Variants in MTUS1 observed in about 807,000 individuals in gnomAD.
MTUS1 encodes the protein microtubule-associated tumor suppressor 1.
Under a neutral mutation model 120.8 loss-of-function variants are expected in MTUS1, and 109 were observed. The ratio of observed to expected loss-of-function variants is 0.90; its 90% confidence interval spans 0.77 to 1.06. The LOEUF (loss-of-function observed/expected upper bound fraction) is 1.06, where lower values mean the gene tolerates loss of function less well. Among genes scored for constraint, MTUS1 ranks in the 50% least tolerant of loss-of-function variants. MTUS1 has a pLI of 0.00. For missense variants in MTUS1, 2,210 were observed against 1,486.3 expected, an observed-to-expected ratio of 1.49 and a Z score of -8.01; for synonymous variants, 737 against 550.5, an observed-to-expected ratio of 1.34 and a Z score of -4.74.
intron 6 of MTUS1, among the ~76,000 whole-genome samples, chr8:17,710,286 G>C (rs1484053925): frequency 1.3e-5 from 2 of 152,144 alleles, no homozygotes; most frequent in Non-Finnish European, 2.9e-5. Context: ...CCACAGCAGA[G>C]AGTCTTTCAA....
intron 6 of MTUS1, among the ~76,000 whole-genome samples, chr8:17,694,308 A>G (rs1352182853): frequency 6.6e-6 from 1 of 152,200 alleles, no homozygotes; most frequent in Non-Finnish European, 1.5e-5. Flanking sequence ...CAAGATTTCA[A>G]ATGATGGAGT....
rs766109786 is a variant in MTUS1, at chr8:17,715,832, C to G, written c.2519G>C (p.Gly840Ala). ...TACCAAAGGCTTCAAATAAAAGGAT[C>G]CTGAGGAACCATTCTGAAATGCTGG... ...PKPAFQNGSS[G>A]SFYLKPLVSR... The change falls in exon 5 of 15, where the codon GGA becomes GCA. Residue 840 changes from glycine to alanine, a missense_variant. Coordinates refer to ENST00000693296, the MANE Select transcript of MTUS1 (RefSeq NM_001363059.2). 5 of 1,613,982 alleles carry G rather than the reference C, an allele frequency of 3.1e-6. No homozygotes were observed. The East Asian group carries it at 1.1e-4, about 36-fold the overall frequency.
At chr8:17,683,091 T>C (rs1007321045) in intron 7 of MTUS1, among the ~76,000 whole-genome samples, 10 of 152,054 alleles carry the variant, frequency 6.6e-5, no homozygotes, top group African/African-American at 2.4e-4. Context: ...CCTAACACAG[T>C]GAAACCCCGT....
chr8:17,714,707 AG>A, intron 5 of MTUS1, among the ~76,000 whole-genome samples: 1 of 152,262 alleles, frequency 6.6e-6, no homozygotes, highest in South Asian at 2.1e-4. Context: ...ATATACATAC[AG>A]AGGAAAAAAG....
Position 17,723,762 on chromosome 8 carries a change from C to A in MTUS1, c.2359G>T (p.Ala787Ser), listed in dbSNP as rs764964957. The change falls in exon 4 of 15, where the codon GCA (alanine) becomes TCA (serine). Residue 787 changes from alanine (A) to serine (S), a missense_variant. Ala to Ser is a moderately conservative substitution (Grantham distance 99, BLOSUM62 1). Coordinates refer to ENST00000693296, the MANE Select transcript of MTUS1 (RefSeq NM_001363059.2). Reference protein sequence around the residue: ...NLPRPLPKSKASLKSPALRRT... With the variant: ...NLPRPLPKSKSSLKSPALRRT... ...CGCAGCGCAGGACTTTTCAAAGATG[C>A]TTTGGATTTAGGAAGTGGTCTAGGC... The A allele has an allele frequency of 4.3e-6, 7 of 1,610,376 alleles. No individual in the cohort carries two copies. Among genetic ancestry groups the A allele is most frequent in the Non-Finnish European group, 5.9e-6 (7 of 1,177,660 alleles).
chr8:17,728,856 C>G (rs1016042995), intron 3 of MTUS1, among the ~76,000 whole-genome samples: 1 of 152,082 alleles, frequency 6.6e-6, no homozygotes, highest in African/African-American at 2.4e-5. Flanking sequence ...GTGTGCAGAA[C>G]TGACTGAAGA....
chr8:17,725,875 G>C (rs569843627), intron 3 of MTUS1, among the ~76,000 whole-genome samples: 2 of 152,280 alleles, frequency 1.3e-5, no homozygotes, highest in South Asian at 4.2e-4. Context: ...GAAGCCAAAA[G>C]ATTGCACACC....
chr8:17,730,085 G>C (rs1400041421), intron 3 of MTUS1, among the ~76,000 whole-genome samples: 2 of 151,988 alleles, frequency 1.3e-5, no homozygotes, highest in Non-Finnish European at 2.9e-5. Flanking sequence ...AATGTAACAT[G>C]GTGTAGCCAC....
chr8:17,797,355 G>A (rs1324008545), intron 1 of MTUS1, among the ~76,000 whole-genome samples: 1 of 152,170 alleles, frequency 6.6e-6, no homozygotes, highest in African/African-American at 2.4e-5. Flanking sequence ...GAAGGCTGCA[G>A]TAAGCTATGA....
chr8:17,738,119 A>T (rs918497555), intron 3 of MTUS1, among the ~76,000 whole-genome samples: 1 of 152,186 alleles, frequency 6.6e-6, no homozygotes, highest in African/African-American at 2.4e-5. Flanking sequence ...AATAAACTCA[A>T]CTGAAATAAA....
intron 6 of MTUS1, among the ~76,000 whole-genome samples, chr8:17,710,170 T>A (rs920143983): frequency 6.6e-6 from 1 of 152,182 alleles, no homozygotes; most frequent in African/African-American, 2.4e-5. Flanking sequence ...AAGGTTTGGG[T>A]GGCTGTGGCA....
At position 17,722,527 on chromosome 8, in the gene MTUS1, T is replaced by A. The variant is rs2045919955; in HGVS notation, c.2449+1145A>T. The A allele has an allele frequency of 3.0e-6, 3 of 985,242 alleles. No individual in the cohort carries two copies. The South Asian group carries it at 1.4e-4, about 46-fold the overall frequency. 61.0% of individuals were successfully genotyped at this position (985,242 alleles called of 1,614,324 possible). A position where few individuals can be genotyped will look rare whatever the true frequency, so the allele number is the denominator to read the frequency against. On this transcript the variant is annotated intron_variant, in intron 4 of 14. Transcript: ENST00000693296. ...CAATCCTGTTTAATTGCAAGTCACATATCCCAGTATTCCTGAAGTGCCAGG... is the reference window on the plus strand; with the variant it reads ...CAATCCTGTTTAATTGCAAGTCACAAATCCCAGTATTCCTGAAGTGCCAGG...
At chr8:17,682,998 C>A (rs144766850) in intron 7 of MTUS1, among the ~76,000 whole-genome samples, 4,888 of 152,264 alleles carry the variant, frequency 0.032, 174 homozygotes, top group South Asian at 0.15. Flanking sequence ...TAAGGCTGGG[C>A]GCAGTGGCGC....
At chr8:17,708,014 A>T (rs1026165167) in intron 6 of MTUS1, among the ~76,000 whole-genome samples, 3 of 152,244 alleles carry the variant, frequency 2.0e-5, no homozygotes, top group Non-Finnish European at 4.4e-5. Flanking sequence ...TTAAATGAAA[A>T]CACAGGCTTA....
chr8:17,684,079 G>GT (rs1247856044), intron 7 of MTUS1, among the ~76,000 whole-genome samples: 1 of 152,116 alleles, frequency 6.6e-6, no homozygotes, highest in Non-Finnish European at 1.5e-5. Context: ...AGGCAATTAT[G>GT]TTTTTTGCTG....
Position 17,755,922 on chromosome 8 carries a change from C to A in MTUS1, c.-115G>T. ...TTTTTCAGCACAGTTGAAAGGTTTT[C>A]AGTCTAAGATGCTCTGAAGATTAAA... On this transcript the variant is annotated 5_prime_UTR_variant, in exon 2 of 15. Transcript: ENST00000693296. 6.8e-7 allele frequency: 1 copy of A among 1,465,458 alleles called. No individual in the cohort carries two copies. Among genetic ancestry groups the A allele is most frequent in the South Asian group, 1.4e-5 (1 of 69,492 alleles). 90.8% of individuals were successfully genotyped at this position (1,465,458 alleles called of 1,614,324 possible). A position where few individuals can be genotyped will look rare whatever the true frequency, so the allele number is the denominator to read the frequency against.
intron 6 of MTUS1, among the ~76,000 whole-genome samples, chr8:17,711,390 C>G (rs1206527943): frequency 1.3e-5 from 2 of 152,202 alleles, no homozygotes; most frequent in African/African-American, 4.8e-5. Context: ...CTGCTTCGCC[C>G]TGTACTTTCA....
At chr8:17,777,402 G>GTACTCCA in intron 1 of MTUS1, among the ~76,000 whole-genome samples, 1 of 150,642 alleles carries the variant, frequency 6.6e-6, no homozygotes, top group South Asian at 2.1e-4. Context: ...TCACACCACT[G>GTACTCCA]TACTCCAGCT....
intron 5 of MTUS1, among the ~76,000 whole-genome samples, chr8:17,715,110 C>T (rs1009284862): frequency 2.6e-5 from 4 of 151,264 alleles, no homozygotes; most frequent in Admixed American, 6.6e-5. Context: ...TTTGCCATGT[C>T]GGCCAGGCTG....
Sources: allele counts gnomAD v4.1 joint callset (sites outside exome capture counted in the v4.1 genomes callset), GRCh38; gene constraint gnomAD v4.1.1; transcripts MANE v1.5; gene names NCBI Gene and HGNC (gene_info 2026-07-23, HGNC 2026-07-21).